The following PRKCH variants were observed in gnomAD, a reference collection of about 807,000 sequenced individuals.
PRKCH encodes protein kinase C eta type.
A neutral mutation model predicts 82.5 loss-of-function variants in PRKCH; 28 were observed. That is an observed-to-expected ratio of 0.34 (90% CI 0.25 to 0.47). The LOEUF is 0.47. Ranked by LOEUF, PRKCH falls within the 20% of genes least tolerant of loss-of-function variation. PRKCH has a pLI of 1.00. For missense variants in PRKCH, 705 were observed against 881.8 expected (o/e 0.80, Z 2.54); for synonymous variants, 322 against 327.4 (o/e 0.98, Z 0.18).
At chr14:61,246,354 G>A (rs1294519077) in intron 1 of PRKCH, among the ~76,000 whole-genome samples, 1 of 150,374 alleles carries the variant, frequency 6.7e-6, no homozygotes, top group African/African-American at 2.5e-5. Context: ...GTTTCAGTGA[G>A]CCAAGATCGA....
intron 12 of PRKCH, 22 bp downstream of exon 12, chr14:61,530,617 A>G (rs972651670): frequency 5.1e-6 from 8 of 1,572,408 alleles, no homozygotes; most frequent in Non-Finnish European, 6.9e-6. Context: ...TTACCCAGCT[A>G]GCTTCTGATG....
Position 61,280,439 on chromosome 14 carries a change from T to C in PRKCH, c.-19+92771T>C, listed in dbSNP as rs1291684017. ...AAGCCGGTGTTGTTGGGGTCGGGGC[T>C]GAGCTCGTAGACTGGCCGGCGCCAG... On this transcript the variant is annotated intron_variant, in intron 1 of 3. Transcript: ENST00000555185. The surrounding 1 kb of genome is among the most constrained non-coding windows in gnomAD (Gnocchi z 5.0). The C allele has an allele frequency of 2.7e-5, 44 of 1,613,824 alleles. 1 individual carries two copies. Among genetic ancestry groups the C allele is most frequent in the Non-Finnish European group, 3.5e-5 (41 of 1,179,886 alleles).
At chr14:61,438,790 A>G (rs1434710104) in intron 2 of PRKCH, among the ~76,000 whole-genome samples, 1 of 152,234 alleles carries the variant, frequency 6.6e-6, no homozygotes, top group Non-Finnish European at 1.5e-5. Context: ...TAAAGTTCTC[A>G]AAACAAGCAT....
chr14:61,233,175 G>T (rs1484697701), intron 1 of PRKCH, among the ~76,000 whole-genome samples: 2 of 152,076 alleles, frequency 1.3e-5, no homozygotes, highest in African/African-American at 2.4e-5. Flanking sequence ...ATCTTATCAG[G>T]TTCCAAAAGC....
intron 1 of PRKCH, among the ~76,000 whole-genome samples, chr14:61,332,862 T>A (rs943676359): frequency 2.0e-5 from 3 of 152,204 alleles, no homozygotes; most frequent in African/African-American, 7.2e-5. Flanking sequence ...TTCCTTACAA[T>A]GGACTTTGGT....
chr14:61,474,204 C>A (rs1482281009), intron 9 of PRKCH, among the ~76,000 whole-genome samples: 1 of 152,104 alleles, frequency 6.6e-6, no homozygotes, highest in Non-Finnish European at 1.5e-5. Context: ...GCATGAGGTT[C>A]TTGGTGTCAC....
chr14:61,205,131 G>A (rs913620042), intron 1 of PRKCH, among the ~76,000 whole-genome samples: 1 of 152,210 alleles, frequency 6.6e-6, no homozygotes, highest in African/African-American at 2.4e-5. Flanking sequence ...TGGAGCAACA[G>A]TGAAGTCTAA....
rs566392062 is a variant in PRKCH, at chr14:61,383,196, A to G, written c.364-8029A>G. On this transcript the variant is annotated intron_variant, in intron 1 of 13. Transcript: ENST00000332981. Reference sequence around the variant, plus strand: ...CCGGTATTCCTTGGAGCCATCTTGGAGTGCTTTTATTTTTTACAAAGTGCT... The same window carrying G: ...CCGGTATTCCTTGGAGCCATCTTGGGGTGCTTTTATTTTTTACAAAGTGCT... 3.3e-5 allele frequency among the ~76,000 whole-genome samples: 5 copies of G among 152,198 alleles called. No individual in the cohort carries two copies. In the South Asian group the frequency reaches 1.0e-3, roughly 32 times the overall value.
chr14:61,197,711 T>C (rs537168790), intron 1 of PRKCH, among the ~76,000 whole-genome samples: 3 of 152,266 alleles, frequency 2.0e-5, no homozygotes, highest in African/African-American at 7.2e-5. Flanking sequence ...TATTGCCACG[T>C]TGGGGATTAA....
chr14:61,483,423 A>G (rs1202314049), intron 9 of PRKCH, among the ~76,000 whole-genome samples: 1 of 152,252 alleles, frequency 6.6e-6, no homozygotes, highest in Non-Finnish European at 1.5e-5. Flanking sequence ...GTTGGCTTAC[A>G]TTGGCCAACC....
rs563065820 is a variant in PRKCH, at chr14:61,430,945, G to A, written c.428-12166G>A. On this transcript the variant is annotated intron_variant, in intron 2 of 13. Transcript: ENST00000332981. ...AATTTTTTATATTTTTAGTAGAGAT[G>A]GGGTTTCGCCATGTTGGCCAGGATG... Among the ~76,000 whole-genome samples the A allele has an allele frequency of 7.2e-5, 11 of 152,276 alleles. No individual in the cohort carries two copies. In the South Asian group the frequency reaches 2.3e-3, roughly 32 times the overall value.
chr14:61,448,929 A>G (rs1003454191), intron 4 of PRKCH, among the ~76,000 whole-genome samples: 1 of 152,164 alleles, frequency 6.6e-6, no homozygotes, highest in Non-Finnish European at 1.5e-5. Flanking sequence ...AGGATGGAAT[A>G]AAGTCAGGAA....
At chr14:61,215,369 T>C (rs1301949163) in intron 1 of PRKCH, among the ~76,000 whole-genome samples, 1 of 152,184 alleles carries the variant, frequency 6.6e-6, no homozygotes, top group Non-Finnish European at 1.5e-5. Flanking sequence ...AGAGAAACCC[T>C]GCCTAAGTTT....
chr14:61,262,427 G>C (rs781452427), intron 1 of PRKCH, among the ~76,000 whole-genome samples: 1 of 152,010 alleles, frequency 6.6e-6, no homozygotes. Context: ...AAAGAAGCTG[G>C]ATATAAAAGA....
In PRKCH at chr14:61,190,978, G is replaced by C. The variant is rs183159534; in HGVS notation, c.-19+3310G>C. Among the ~76,000 whole-genome samples, 134 of 152,242 alleles carry C rather than the reference G, an allele frequency of 8.8e-4. 2 individuals are homozygous for C. The Middle Eastern group carries it at 0.01, about 12-fold the overall frequency. On this transcript the variant is annotated intron_variant, in intron 1 of 3. Coordinates refer to the PRKCH transcript ENST00000555185. ...AATAACTTGTAAACAACCAGCTCAA[G>C]CCAAAAGACCACAGAAACAAATGCA...
intron 9 of PRKCH, among the ~76,000 whole-genome samples, chr14:61,472,834 A>C (rs1309509968): frequency 6.6e-6 from 1 of 152,374 alleles, no homozygotes; most frequent in East Asian, 1.9e-4. Flanking sequence ...TAATATAATG[A>C]ATGGTATTAG....
intron 1 of PRKCH, chr14:61,278,354 A>T (rs1036297795): frequency 1.3e-5 from 2 of 152,230 alleles, no homozygotes; most frequent in Non-Finnish European, 2.9e-5. Context: ...ACATTAAATT[A>T]ACAAAGTATT....
At position 61,253,981 on chromosome 14, in the gene PRKCH, C is replaced by CCCTT. The variant is rs1352994299; in HGVS notation, c.-19+66316_-19+66317insTCCT. 2.9e-3 allele frequency among the ~76,000 whole-genome samples: 169 copies of CCCTT among 59,192 alleles called. 1 individual carries two copies. The highest frequency in any genetic ancestry group is 0.016 in the African/African-American group (145 of 9,142). 38.8% of individuals were successfully genotyped at this position (59,192 alleles called of 152,430 possible). ...CTTCCTTCTTCCCTCCCTCCCTCCTCCCTCCCTCCCTCCCTCCCTCCCTCC... is the reference window on the plus strand; with the variant it reads ...CTTCCTTCTTCCCTCCCTCCCTCCTCCCTTCCTCCCTCCCTCCCTCCCTCCCTCC... On this transcript the variant is annotated intron_variant, in intron 1 of 3. Transcript: ENST00000555185.
At chr14:61,292,088 T>C (rs2045367951) in intron 1 of PRKCH, among the ~76,000 whole-genome samples, 2 of 152,240 alleles carry the variant, frequency 1.3e-5, no homozygotes, top group South Asian at 2.1e-4. Context: ...GTATTTTAGA[T>C]GCACCACCTA....
Sources: allele counts gnomAD v4.1 joint callset (sites outside exome capture counted in the v4.1 genomes callset), GRCh38; gene constraint gnomAD v4.1.1; non-coding constraint Gnocchi (gnomAD v3.1); transcripts MANE v1.5; gene names NCBI Gene and HGNC (gene_info 2026-07-23, HGNC 2026-07-21).